The following ENTPD6 variants were observed in gnomAD, a reference collection of about 807,000 sequenced individuals.
The protein encoded by ENTPD6 is CD39 antigen-like 2.
ENTPD6 carries 46 observed loss-of-function variants against 61.5 expected under a neutral mutation model. That is an observed-to-expected ratio of 0.75 (90% CI 0.59 to 0.96). The LOEUF is 0.96. Among genes scored for constraint, ENTPD6 ranks in the 40% least tolerant of loss-of-function variants. The pLI is 0.00. For missense variants in ENTPD6, 612 were observed against 629.0 expected (o/e 0.97, Z 0.29); for synonymous variants, 252 against 255.5 (o/e 0.99, Z 0.13).
intron 10 of ENTPD6, among the ~76,000 whole-genome samples, chr20:25,220,383 A>T (rs1261438818): frequency 6.6e-6 from 1 of 150,718 alleles, no homozygotes; most frequent in African/African-American, 2.5e-5. Flanking sequence ...AGCTGTCTAG[A>T]CGCCCCCTGC....
chr20:25,196,214 G>A (rs2090386678), intron 1 of ENTPD6: 2 of 1,174,484 alleles, frequency 1.7e-6, no homozygotes, highest in African/African-American at 1.6e-5. Flanking sequence ...CCCTGGATGA[G>A]CCCGGCGGGG....
At chr20:25,212,630 A>G (rs1224533030) in intron 4 of ENTPD6, among the ~76,000 whole-genome samples, 2 of 151,996 alleles carry the variant, frequency 1.3e-5, no homozygotes, top group Non-Finnish European at 2.9e-5. Context: ...TGAGGCAGGA[A>G]ATGGCTTGAG....
At chr20:25,224,958 T>C (rs965405920) in intron 13 of ENTPD6, 7 of 553,636 alleles carry the variant, frequency 1.3e-5, no homozygotes, top group Non-Finnish European at 2.2e-5. Context: ...TTGGGAGACA[T>C]TGGCCCATGA....
rs2092230949 is a variant in ENTPD6, at chr20:25,214,952, TG to T, written c.673+12del. ...AACGGAACAGATGAAGGTAAATGGC[TG>T]GAAGCACCTCTGTACAGTGGGGCTG... On this transcript the variant is annotated intron_variant, in intron 6 of 14. Coordinates refer to ENST00000376652, the MANE Select transcript of ENTPD6 (RefSeq NM_001247.5). 1.3e-6 allele frequency: 2 copies of T among 1,590,956 alleles called. No individual in the cohort carries two copies. The highest frequency in any genetic ancestry group is 2.7e-5 in the African/African-American group (2 of 74,416).
chr20:25,210,117 C>T (rs1466423801), intron 4 of ENTPD6, among the ~76,000 whole-genome samples, 192 bp downstream of exon 4: 1 of 152,200 alleles, frequency 6.6e-6, no homozygotes, highest in East Asian at 1.9e-4. Context: ...GAACGCGCCC[C>T]CACCCGGCCC....
rs1434329489 is a variant in ENTPD6, at chr20:25,207,106, A to T, written c.85A>T (p.Met29Leu). The change falls in exon 3 of 15, where the codon ATG becomes TTG. Residue 29 changes from methionine to leucine, a missense_variant. Transcript: ENST00000376652. Reference protein sequence around the residue: ...QPQHGPWQTRMRKISNHGSLR... With the variant: ...QPQHGPWQTRLRKISNHGSLR... ...GCAGCACGGTCCTTGGCAAACAAGG[A>T]TGAGAAAAATATCCAACCACGGGAG... The T allele has an allele frequency of 4.3e-6, 7 of 1,612,944 alleles. No homozygotes were observed. The highest frequency in any genetic ancestry group is 1.7e-5 in the Admixed American group (1 of 59,960).
At chr20:25,225,384 G>T in intron 14 of ENTPD6, 67 bp downstream of exon 14, 7 of 1,594,348 alleles carry the variant, frequency 4.4e-6, no homozygotes, top group Non-Finnish European at 6.0e-6. Flanking sequence ...CACTTCTCCA[G>T]TTGCTGGGGT....
At chr20:25,212,947 C>T (rs1281107168) in intron 4 of ENTPD6, among the ~76,000 whole-genome samples, 10 of 152,218 alleles carry the variant, frequency 6.6e-5, no homozygotes, top group Admixed American at 5.9e-4. Flanking sequence ...CCTTGTGATC[C>T]GCCTGCCTTG....
At chr20:25,222,769 G>A in intron 11 of ENTPD6, 69 bp from the exon 12 acceptor site, 1 of 1,579,520 alleles carries the variant, frequency 6.3e-7, no homozygotes, top group South Asian at 1.2e-5. Context: ...CCCCTGGGAG[G>A]GGCCCCAAGC....
chr20:25,204,617 C>T (rs1045291026), intron 1 of ENTPD6, among the ~76,000 whole-genome samples: 2 of 152,130 alleles, frequency 1.3e-5, no homozygotes, highest in Non-Finnish European at 1.5e-5. Flanking sequence ...CTAGCAGTGC[C>T]CATAACCATT....
intron 4 of ENTPD6, 79 bp downstream of exon 4, chr20:25,210,004 C>T (rs1460626174): frequency 6.3e-6 from 8 of 1,274,714 alleles, no homozygotes; most frequent in South Asian, 1.2e-5. Context: ...ATGTGGTAGG[C>T]TGTCTTCACA....
chr20:25,227,836 C>G lies in ENTPD6; in HGVS notation c.*2239C>G, dbSNP rs570786302. On this transcript the variant is annotated 3_prime_UTR_variant, in exon 15 of 15. Coordinates refer to ENST00000376652, the MANE Select transcript of ENTPD6 (RefSeq NM_001247.5). ...GCCTTCAATCCTACTGGACAAGCAT[C>G]GGTGCTGGCCTCCCCCATGTCCTAA... Among the ~76,000 whole-genome samples the G allele has an allele frequency of 6.6e-6, 1 of 152,254 alleles. No homozygotes were observed. The highest frequency in any genetic ancestry group is 6.5e-5 in the Admixed American group (1 of 15,284).
In ENTPD6 at chr20:25,224,163, T is replaced by A. The variant is rs1375047496; in HGVS notation, c.1243+6T>A. The A allele has an allele frequency of 6.2e-7, 1 of 1,610,702 alleles. No individual in the cohort carries two copies. Among genetic ancestry groups the A allele is most frequent in the East Asian group, 2.2e-5 (1 of 44,660 alleles). Reference sequence around the variant, plus strand: ...CGAGATCGCAGCCAAGTACGGTGAGTGATGCTGCAGGGGCCATCTCAGCAG... The same window carrying A: ...CGAGATCGCAGCCAAGTACGGTGAGAGATGCTGCAGGGGCCATCTCAGCAG... On this transcript the variant is annotated splice_donor_region_variant and intron_variant, in intron 13 of 14. Transcript: ENST00000376652.
At position 25,227,749 on chromosome 20, in the gene ENTPD6, G is replaced by A. The variant is rs1291385796; in HGVS notation, c.*2152G>A. The stretch of plus-strand genomic sequence containing the variant: ...GAGCTGCCTCAGTCCTGCAGTCCCC[G>A]TGTTTGGATGGCAGGATCCCAGGGC... On this transcript the variant is annotated 3_prime_UTR_variant, in exon 15 of 15. Coordinates refer to ENST00000376652, the MANE Select transcript of ENTPD6 (RefSeq NM_001247.5). 2.6e-5 allele frequency among the ~76,000 whole-genome samples: 4 copies of A among 152,338 alleles called. No homozygotes were observed. Among genetic ancestry groups the A allele is most frequent in the Admixed American group, 1.3e-4 (2 of 15,304 alleles).
At position 25,213,276 on chromosome 20, in the gene ENTPD6, T is replaced by A. The variant is rs762708234; in HGVS notation, c.467T>A (p.Ile156Asn). Residue 156 changes from isoleucine to asparagine, a missense_variant, in exon 5 of 15, where the codon ATC (isoleucine) becomes AAC (asparagine). Coordinates refer to ENST00000376652, the MANE Select transcript of ENTPD6 (RefSeq NM_001247.5). ...CCACGTTCACAGAGCGCTCAGGGAA[T>A]CCGGGAACTACTGGATGTTGCTAAA... is the stretch of plus-strand genomic sequence containing the variant. ...ADDVEKSAQG[I>N]RELLDVAKQD... The A allele has an allele frequency of 2.5e-6, 4 of 1,614,256 alleles. No individual in the cohort carries two copies. Among genetic ancestry groups the A allele is most frequent in the Non-Finnish European group, 3.4e-6 (4 of 1,180,050 alleles).
At chr20:25,224,367 T>A (rs1455773742) in intron 13 of ENTPD6, 1 of 450,360 alleles carries the variant, frequency 2.2e-6, no homozygotes, top group Non-Finnish European at 4.0e-6. Flanking sequence ...CTTCCTCAGA[T>A]GCCATTTTAC....
At chr20:25,200,428 T>C (rs929488658) in intron 1 of ENTPD6, among the ~76,000 whole-genome samples, 1 of 152,224 alleles carries the variant, frequency 6.6e-6, no homozygotes, top group Non-Finnish European at 1.5e-5. Flanking sequence ...ATTTAGTTAA[T>C]GTAATTCCAT....
chr20:25,208,745 A>G (rs2091712293), intron 3 of ENTPD6, among the ~76,000 whole-genome samples: 1 of 152,196 alleles, frequency 6.6e-6, no homozygotes, highest in Non-Finnish European at 1.5e-5. Flanking sequence ...AGAACCCTTT[A>G]ATAAATTCAT....
chr20:25,202,541 A>G (rs1451565518), intron 1 of ENTPD6, among the ~76,000 whole-genome samples: 3 of 152,084 alleles, frequency 2.0e-5, no homozygotes, highest in African/African-American at 7.2e-5. Flanking sequence ...TTTTGTGTAT[A>G]TGCTACAGAC....
Sources: allele counts gnomAD v4.1 joint callset (sites outside exome capture counted in the v4.1 genomes callset), GRCh38; gene constraint gnomAD v4.1.1; transcripts MANE v1.5; gene names NCBI Gene and HGNC (gene_info 2026-07-23, HGNC 2026-07-21).